CADPS2: variants seen among roughly 807,000 people sequenced by gnomAD.
CADPS2 encodes the protein calcium dependent secretion activator 2.
CADPS2 carries 93 observed loss-of-function variants against 172.5 expected under a neutral mutation model. The observed-to-expected ratio is 0.54, with a 90% confidence interval of 0.46 to 0.64. CADPS2 has a LOEUF of 0.64. CADPS2 is among the 30% of genes least tolerant of loss of function. The pLI is 0.00. For synonymous variants in CADPS2, 546 were observed against 555.2 expected (o/e 0.98, Z 0.23); for missense variants, 1,420 against 1,565.9 (o/e 0.91, Z 1.57).
In CADPS2 at chr7:122,702,517, A is replaced by C. The variant is rs544596370; in HGVS notation, c.453+34438T>G. Reference sequence around the variant, plus strand: ...GACAGGCATTCTGATTCCATCCTTCAGGAAGTGCCACCACACCAGACACCC... The same window carrying C: ...GACAGGCATTCTGATTCCATCCTTCCGGAAGTGCCACCACACCAGACACCC... On this transcript the variant is annotated intron_variant, in intron 2 of 29. Coordinates refer to ENST00000449022, the MANE Select transcript of CADPS2 (RefSeq NM_017954.11). 49 of 1,613,650 alleles carry C rather than the reference A, an allele frequency of 3.0e-5. No homozygotes were observed. In the South Asian group the frequency reaches 4.4e-4, roughly 14 times the overall value.
rs565498642 is a variant in CADPS2 at position 122,663,572 on chromosome 7, GAAAAC to G, written c.454-8_454-4del. 2.0e-4 allele frequency: 308 copies of G among 1,553,640 alleles called. 2 individuals carry two copies. In the African/African-American group the frequency reaches 3.3e-3, roughly 17 times the overall value. ...ACTCGGTCACTCTTTAGAAAAACCT[GAAAAC>G]AAAACAAAACAAAACAAAACAAAAA... On this transcript the variant is annotated splice_polypyrimidine_tract_variant and splice_region_variant and intron_variant, in intron 2 of 29. Coordinates refer to ENST00000449022, the MANE Select transcript of CADPS2 (RefSeq NM_017954.11).
chr7:122,392,400 T>TAA (rs2044488332), intron 22 of CADPS2, among the ~76,000 whole-genome samples: 2 of 151,086 alleles, frequency 1.3e-5, no homozygotes, highest in African/African-American at 4.9e-5. Context: ...TTTTTTTTTT[T>TAA]TAAATCATCA....
chr7:122,447,011 T>C (rs1266808337), intron 15 of CADPS2, among the ~76,000 whole-genome samples: 1 of 150,778 alleles, frequency 6.6e-6, no homozygotes, highest in African/African-American at 2.4e-5. Context: ...CTGCTCCATC[T>C]TGGACATAAG....
intron 1 of CADPS2, among the ~76,000 whole-genome samples, chr7:122,749,946 G>T (rs2138338239): frequency 6.9e-6 from 1 of 145,308 alleles, no homozygotes; most frequent in South Asian, 2.2e-4. Context: ...TAGCACATTT[G>T]TTCACCTGTG....
At chr7:122,663,108 A>G in intron 3 of CADPS2, 129 bp downstream of exon 3, 5 of 683,586 alleles carry the variant, frequency 7.3e-6, no homozygotes, top group Non-Finnish European at 7.4e-6. Context: ...ATCTATTCAA[A>G]TTCAATTTTG....
At chr7:122,499,262 A>G (rs1486621639) in intron 9 of CADPS2, among the ~76,000 whole-genome samples, 2 of 152,176 alleles carry the variant, frequency 1.3e-5, no homozygotes, top group African/African-American at 2.4e-5. Context: ...TCTGTTCCAA[A>G]TACCCACTTT....
At chr7:122,694,659 TC>T (rs368466186) in intron 2 of CADPS2, among the ~76,000 whole-genome samples, 47 of 152,106 alleles carry the variant, frequency 3.1e-4, no homozygotes, top group Admixed American at 2.6e-3. Flanking sequence ...TACACTCCCT[TC>T]CCCCCACTTA....
At chr7:122,483,340 A>G (rs2057488210) in intron 11 of CADPS2, among the ~76,000 whole-genome samples, 1 of 152,122 alleles carries the variant, frequency 6.6e-6, no homozygotes. Context: ...AGCTAGAAGA[A>G]AGTGGAGCAA....
intron 1 of CADPS2, among the ~76,000 whole-genome samples, chr7:122,836,144 A>G (rs1808343449): frequency 6.6e-6 from 1 of 152,182 alleles, no homozygotes; most frequent in South Asian, 2.1e-4. Flanking sequence ...TAAAGAAAAC[A>G]ATTTTCAACC....
At chr7:122,677,965 G>C (rs555961015) in intron 2 of CADPS2, among the ~76,000 whole-genome samples, 27 of 152,266 alleles carry the variant, frequency 1.8e-4, no homozygotes, top group Admixed American at 6.5e-4. Context: ...CTCTGTGTAG[G>C]TATAAAACAC....
intron 11 of CADPS2, among the ~76,000 whole-genome samples, chr7:122,489,480 T>C (rs2058102202): frequency 6.6e-6 from 1 of 152,108 alleles, no homozygotes; most frequent in South Asian, 2.1e-4. Context: ...TTGAAGATGT[T>C]TTGACCATTA....
chr7:122,755,349 CT>C (rs2093114714), intron 1 of CADPS2, among the ~76,000 whole-genome samples: 3 of 152,148 alleles, frequency 2.0e-5, no homozygotes, highest in Admixed American at 2.0e-4. Context: ...GGGCATATAA[CT>C]ACCAGACTGA....
intron 25 of CADPS2, among the ~76,000 whole-genome samples, chr7:122,369,105 T>C (rs1327196975): frequency 3.3e-5 from 5 of 151,360 alleles, no homozygotes; most frequent in African/African-American, 1.2e-4. Context: ...TTGAAGTCTT[T>C]CTGGCTAGAA....
chr7:122,561,150 G>A (rs934116221), intron 7 of CADPS2, among the ~76,000 whole-genome samples: 5 of 152,100 alleles, frequency 3.3e-5, no homozygotes, highest in Non-Finnish European at 7.4e-5. Flanking sequence ...TTTGTATACT[G>A]AAAGATTAGC....
intron 14 of CADPS2, among the ~76,000 whole-genome samples, chr7:122,464,396 CAT>C (rs1199907638): frequency 6.6e-6 from 1 of 152,138 alleles, no homozygotes; most frequent in Non-Finnish European, 1.5e-5. Flanking sequence ...AAAGAAGAGA[CAT>C]ATATTCCTTA....
At chr7:122,375,469 A>G (rs1201074454) in intron 25 of CADPS2, among the ~76,000 whole-genome samples, 2 of 152,116 alleles carry the variant, frequency 1.3e-5, no homozygotes, top group African/African-American at 4.8e-5. Context: ...CTTTGACAAG[A>G]GTGTCAAGAG....
intron 3 of CADPS2, among the ~76,000 whole-genome samples, chr7:122,659,331 G>C (rs1452798253): frequency 9.5e-6 from 1 of 105,110 alleles, no homozygotes. Flanking sequence ...AAAAAACACC[G>C]TGGAAAAAAA....
At chr7:122,638,256 G>A (rs2077264568) in intron 3 of CADPS2, among the ~76,000 whole-genome samples, 1 of 152,148 alleles carries the variant, frequency 6.6e-6, no homozygotes, top group South Asian at 2.1e-4. Flanking sequence ...GACATGCCCT[G>A]CTCCCCCAAC....
chr7:122,722,212 A>G (rs1211012471), intron 2 of CADPS2, among the ~76,000 whole-genome samples: 2 of 152,076 alleles, frequency 1.3e-5, no homozygotes, highest in African/African-American at 4.8e-5. Flanking sequence ...CAGGAGAAAG[A>G]AAGAAAGGGT....
Sources: allele counts gnomAD v4.1 joint callset (sites outside exome capture counted in the v4.1 genomes callset), GRCh38; gene constraint gnomAD v4.1.1; transcripts MANE v1.5; gene names NCBI Gene and HGNC (gene_info 2026-07-23, HGNC 2026-07-21).